ADCY2: variants seen among roughly 807,000 people sequenced by gnomAD.
ADCY2 encodes adenylate cyclase type 2.
ADCY2 carries 31 observed loss-of-function variants against 125.2 expected under a neutral mutation model. That is an observed-to-expected ratio of 0.25 (90% CI 0.19 to 0.33). The LOEUF is 0.33. ADCY2 is among the 10% of genes least tolerant of loss of function. ADCY2 has a pLI of 1.00. For missense variants in ADCY2, 904 were observed against 1,418.2 expected (o/e 0.64, Z 5.82); for synonymous variants, 512 against 548.4 (o/e 0.93, Z 0.93).
chr5:7,403,069 G>C (rs533349635), intron 1 of ADCY2, among the ~76,000 whole-genome samples: 11 of 152,198 alleles, frequency 7.2e-5, no homozygotes, highest in African/African-American at 2.6e-4. Context: ...GCTCAAAGGT[G>C]CTGGTTTTTA....
chr5:7,741,374 C>A (rs1053277626), intron 14 of ADCY2, among the ~76,000 whole-genome samples: 1 of 151,962 alleles, frequency 6.6e-6, no homozygotes, highest in African/African-American at 2.4e-5. Context: ...GTTTCTCTGG[C>A]AAAATGAGGT....
rs563058235 is a variant in ADCY2, at chr5:7,650,471, A to C, written c.720+24155A>C. ...ATTCAGGGATAGTAATGTCTTAAAA[A>C]ATACTTTACAGTACGAACTATATAA... On this transcript the variant is annotated intron_variant, in intron 4 of 24. Transcript: ENST00000338316. Among the ~76,000 whole-genome samples, 5 of 152,300 alleles carry C rather than the reference A, an allele frequency of 3.3e-5. No homozygotes were observed. In the East Asian group the frequency reaches 7.7e-4, roughly 24 times the overall value.
At chr5:7,451,581 A>ATTTAT (rs1741471263) in intron 2 of ADCY2, among the ~76,000 whole-genome samples, 2 of 152,206 alleles carry the variant, frequency 1.3e-5, no homozygotes, top group African/African-American at 4.8e-5. Flanking sequence ...AATATTACAG[A>ATTTAT]AATTTAGTTG....
At chr5:7,546,143 A>C (rs776344728) in intron 3 of ADCY2, among the ~76,000 whole-genome samples, 6 of 152,148 alleles carry the variant, frequency 3.9e-5, no homozygotes, top group Non-Finnish European at 8.8e-5. Flanking sequence ...AAAGTACCCT[A>C]ATAAGGTTAT....
At chr5:7,581,808 A>G (rs1048866827) in intron 3 of ADCY2, among the ~76,000 whole-genome samples, 22 of 146,050 alleles carry the variant, frequency 1.5e-4, no homozygotes, top group African/African-American at 5.5e-4. Flanking sequence ...CGACAGAGCA[A>G]GACTCAGTCT....
At chr5:7,411,935 C>A (rs1029005726) in intron 1 of ADCY2, among the ~76,000 whole-genome samples, 1 of 151,932 alleles carries the variant, frequency 6.6e-6, no homozygotes, top group Non-Finnish European at 1.5e-5. Context: ...ATTGGCCGGG[C>A]GTAGTGGCGG....
chr5:7,713,002 G>C (rs1257017529), intron 11 of ADCY2, 103 bp downstream of exon 11: 3 of 829,428 alleles, frequency 3.6e-6, no homozygotes, highest in East Asian at 2.6e-5. Flanking sequence ...ACTTCTGAAA[G>C]AGCAGCTCCC....
chr5:7,747,130 A>G (rs1462272785), intron 15 of ADCY2, among the ~76,000 whole-genome samples: 1 of 151,510 alleles, frequency 6.6e-6, no homozygotes, highest in East Asian at 1.9e-4. Flanking sequence ...CGGCCCCTTC[A>G]CTCCCACCCG....
intron 7 of ADCY2, among the ~76,000 whole-genome samples, chr5:7,701,429 T>A (rs1397982827): frequency 2.0e-5 from 3 of 152,262 alleles, no homozygotes; most frequent in African/African-American, 7.2e-5. Flanking sequence ...TTAGAAATAC[T>A]ATTACATTTT....
At chr5:7,481,653 T>G (rs1040947482) in intron 2 of ADCY2, among the ~76,000 whole-genome samples, 2 of 152,196 alleles carry the variant, frequency 1.3e-5, no homozygotes, top group Non-Finnish European at 2.9e-5. Flanking sequence ...ATTTTTCAAT[T>G]GGATTATTAG....
At chr5:7,737,487 A>G (rs1402933576) in intron 14 of ADCY2, among the ~76,000 whole-genome samples, 1 of 152,210 alleles carries the variant, frequency 6.6e-6, no homozygotes, top group East Asian at 1.9e-4. Flanking sequence ...AGTAAAAGAA[A>G]TACCCAATCT....
chr5:7,418,660 T>G (rs1204770289), intron 2 of ADCY2, among the ~76,000 whole-genome samples: 3 of 135,528 alleles, frequency 2.2e-5, no homozygotes, highest in Middle Eastern at 3.6e-3. Context: ...TTTTTTTTTT[T>G]TTTTTTTTTT....
chr5:7,783,755 C>T (rs950764247), intron 18 of ADCY2, among the ~76,000 whole-genome samples: 1 of 152,106 alleles, frequency 6.6e-6, no homozygotes, highest in African/African-American at 2.4e-5. Flanking sequence ...TTGGGGGAGC[C>T]CACCCAGTGC....
intron 11 of ADCY2, among the ~76,000 whole-genome samples, chr5:7,713,662 T>G (rs1741510543): frequency 6.6e-6 from 1 of 152,140 alleles, no homozygotes; most frequent in East Asian, 1.9e-4. Flanking sequence ...GCAGCCACCG[T>G]AAAATCCCAG....
chr5:7,553,807 C>A (rs1485899859), intron 3 of ADCY2, among the ~76,000 whole-genome samples: 2 of 152,292 alleles, frequency 1.3e-5, no homozygotes, highest in East Asian at 3.9e-4. Flanking sequence ...TGGGAGCACC[C>A]AATCCTCTGA....
chr5:7,648,627 T>G (rs1561144003), intron 4 of ADCY2, among the ~76,000 whole-genome samples: 1 of 152,184 alleles, frequency 6.6e-6, no homozygotes, highest in Non-Finnish European at 1.5e-5. Flanking sequence ...AACACTGACT[T>G]ACTGTGAGAA....
At chr5:7,639,732 A>G (rs1440786945) in intron 4 of ADCY2, among the ~76,000 whole-genome samples, 1 of 152,194 alleles carries the variant, frequency 6.6e-6, no homozygotes, top group East Asian at 1.9e-4. Flanking sequence ...GCTCACTTAT[A>G]TCATCGTTCA....
intron 1 of ADCY2, among the ~76,000 whole-genome samples, chr5:7,412,241 A>T (rs1274036922): frequency 1.3e-5 from 2 of 152,060 alleles, no homozygotes; most frequent in African/African-American, 4.8e-5. Context: ...CTTTCTGGAG[A>T]TCTAAGAGCC....
chr5:7,732,472 G>A (rs1742132105), intron 14 of ADCY2, among the ~76,000 whole-genome samples: 1 of 152,148 alleles, frequency 6.6e-6, no homozygotes. Flanking sequence ...GGTTTCTCCT[G>A]GGCCGTTTAG....
Sources: allele counts gnomAD v4.1 joint callset (sites outside exome capture counted in the v4.1 genomes callset), GRCh38; gene constraint gnomAD v4.1.1; transcripts MANE v1.5; gene names NCBI Gene and HGNC (gene_info 2026-07-23, HGNC 2026-07-21).